The following MYH3 variants were observed in gnomAD, a reference collection of about 807,000 sequenced individuals.
MYH3 encodes myosin heavy chain 3, also known as myosin-3.
Under a neutral mutation model 238.0 loss-of-function variants are expected in MYH3, and 130 were observed. The ratio of observed to expected loss-of-function variants is 0.55; its 90% CI spans 0.47 to 0.63. The LOEUF is 0.63. MYH3 is among the 30% of genes least tolerant of loss of function. MYH3 has a pLI of 0.00. For missense variants in MYH3, 1,853 were observed against 2,374.9 expected (o/e 0.78, Z 4.57); for synonymous variants, 880 against 924.1 (o/e 0.95, Z 0.86).
chr17:10,660,856 G>A (rs2074475650), upstream of MYH3, among the ~76,000 whole-genome samples: 1 of 151,926 alleles, frequency 6.6e-6, no homozygotes, highest in African/African-American at 2.4e-5. Flanking sequence ...GTGGTGGTGG[G>A]TGCCTGTAAT....
chr17:10,630,642 G>A (rs1417390483), intron 36 of MYH3, among the ~76,000 whole-genome samples, 184 bp from the exon 37 acceptor site: 3 of 152,116 alleles, frequency 2.0e-5, no homozygotes, highest in Non-Finnish European at 4.4e-5. Context: ...CTGAGGTCAG[G>A]AGTTCAAGAC....
At chr17:10,653,448 C>A (rs2074398402) in intron 3 of MYH3, among the ~76,000 whole-genome samples, 1 of 152,184 alleles carries the variant, frequency 6.6e-6, no homozygotes, top group Non-Finnish European at 1.5e-5. Flanking sequence ...CCCCAGCATG[C>A]TCAGGAAAGG....
chr17:10,674,469 G>A, the MYH3 span: 1 of 263,954 alleles, frequency 3.8e-6, no homozygotes, highest in South Asian at 3.7e-5. Flanking sequence ...CTGTGATTGA[G>A]GAGAGCTGGA....
chr17:10,629,773 G>A lies in MYH3; in HGVS notation c.5659-39C>T, dbSNP rs1457922563. 2.5e-6 allele frequency: 4 copies of A among 1,614,128 alleles called. No homozygotes were observed. The South Asian group carries it at 3.3e-5, about 13-fold the overall frequency. On this transcript the variant is annotated intron_variant, in intron 39 of 40. Coordinates refer to ENST00000583535, the MANE Select transcript of MYH3 (RefSeq NM_002470.4). The stretch of plus-strand genomic sequence containing the variant: ...GCCCAGGCAGGTTATATCAGCACGC[G>A]CCTCTCTCAGAACTCACCACGGGAA...
chr17:10,657,874 C>T (rs2074449453), upstream of MYH3, among the ~76,000 whole-genome samples: 1 of 152,062 alleles, frequency 6.6e-6, no homozygotes, highest in Admixed American at 6.6e-5. Context: ...CCTCTTCTCC[C>T]TTCTCCTCCT....
chr17:10,632,591 C>T lies in MYH3; in HGVS notation c.4841G>A (p.Arg1614Gln), dbSNP rs750163741. 9 of 1,614,030 alleles carry T rather than the reference C, an allele frequency of 5.6e-6. No individual in the cohort carries two copies. Among genetic ancestry groups the T allele is most frequent in the African/African-American group, 1.3e-5 (1 of 74,924 alleles). Residue 1614 changes from arginine (R) to glutamine (Q), a missense_variant, in exon 34 of 41, where the codon CGG becomes CAG. Physicochemically the swap from Arg to Gln is conservative, Grantham distance 43. Transcript: ENST00000583535. Reference sequence around the variant, plus strand: ...GTCCCCCTCCATCTTCTTCTTGAGCCGGATGGCTTCATTCCTGCTCCGCAC... The same window carrying T: ...GTCCCCCTCCATCTTCTTCTTGAGCTGGATGGCTTCATTCCTGCTCCGCAC... ...AEVRSRNEAI[R>Q]LKKKMEGDLN...
Position 10,651,566 on chromosome 17 carries a change from C to G in MYH3, c.451G>C (p.Ala151Pro). The part of the protein sequence containing the change: ...EGYRGKKRQE[A>P]PPHIFSISDN... Reference sequence around the variant, plus strand: ...GAGATGGAGAAGATGTGGGGTGGGGCCTCCTGGCGCTTTTTGCCTCGGTAG... The same window carrying G: ...GAGATGGAGAAGATGTGGGGTGGGGGCTCCTGGCGCTTTTTGCCTCGGTAG... The change falls in exon 5 of 41, where the codon GCC (alanine) becomes CCC (proline). Residue 151 changes from alanine (A) to proline (P), a missense_variant. By Grantham distance (27) the Ala-to-Pro change is conservative. Coordinates refer to ENST00000583535, the MANE Select transcript of MYH3 (RefSeq NM_002470.4). 1 of 1,613,970 alleles carries G rather than the reference C, an allele frequency of 6.2e-7. No individual in the cohort carries two copies. Among genetic ancestry groups the G allele is most frequent in the South Asian group, 1.1e-5 (1 of 91,074 alleles).
intron 4 of MYH3, 41 bp downstream of exon 4, chr17:10,652,379 T>A: frequency 1.2e-6 from 2 of 1,610,038 alleles, no homozygotes; most frequent in Non-Finnish European, 1.7e-6. Context: ...TGCCCGCATA[T>A]CTAATGCCCC....
chr17:10,635,340 C>T (rs757491423), intron 30 of MYH3, 27 bp downstream of exon 30: 89 of 1,613,888 alleles, frequency 5.5e-5, no homozygotes, highest in Non-Finnish European at 7.1e-5. Flanking sequence ...CTAAGTAGTT[C>T]TTCTAAAAGC....
Position 10,634,053 on chromosome 17 carries a change from G to A in MYH3, c.4486C>T (p.Leu1496Phe). 1 of 1,614,210 alleles carries A rather than the reference G, an allele frequency of 6.2e-7. No homozygotes were observed. Among genetic ancestry groups the A allele is most frequent in the African/African-American group, 1.3e-5 (1 of 75,062 alleles). ...KNAYEEALDQ[L>F]ETVKRENKNL... is the part of the protein sequence containing the mutation. ...TTATTTTCCCGTTTCACAGTTTCAA[G>A]TTGATCTAAGGCTTCCTCGTAGGCA... Residue 1496 changes from leucine to phenylalanine, a missense_variant, in exon 32 of 41, where the codon CTT (leucine) becomes TTT (phenylalanine). By Grantham distance (22) the Leu-to-Phe change is conservative. Coordinates refer to ENST00000583535, the MANE Select transcript of MYH3 (RefSeq NM_002470.4).
the MYH3 span, among the ~76,000 whole-genome samples, chr17:10,670,378 T>C: frequency 1.3e-5 from 2 of 152,208 alleles, no homozygotes; most frequent in East Asian, 1.9e-4. This position sits in a 1 kb window ranked among gnomAD's most constrained non-coding sequence, Gnocchi z 7.0. Context: ...TTGACTGAAA[T>C]TGACCCAGAG....
At chr17:10,677,714 CT>C in the MYH3 span, 1 of 152,180 alleles carries the variant, frequency 6.6e-6, no homozygotes, top group Non-Finnish European at 1.5e-5. Context: ...GATTCTTATA[CT>C]TTTCAAATAA....
chr17:10,640,766 T>G, intron 19 of MYH3, 80 bp from the exon 20 acceptor site: 1 of 1,529,150 alleles, frequency 6.5e-7, no homozygotes, highest in Non-Finnish European at 8.9e-7. Flanking sequence ...AGGCCTCTCT[T>G]CCTATAGGCA....
At position 10,642,469 on chromosome 17, in the gene MYH3, C is replaced by T. The variant is rs78119755; in HGVS notation, c.1836G>A (p.Lys612=). Reference sequence around the variant, plus strand: ...GGTGTGCCAGGAGCCTGTTGGAAGACTTCTGGTACAGCCCAACCACAGTCT... The same window carrying T: ...GGTGTGCCAGGAGCCTGTTGGAAGATTTCTGGTACAGCCCAACCACAGTCT... ...LNETVVGLYQ[K]SSNRLLAHLY... Residue 612 remains lysine (K), a synonymous_variant, in exon 16 of 41, where the codon AAG becomes AAA. Transcript: ENST00000583535. The surrounding 1 kb of genome is among the most constrained non-coding windows in gnomAD (Gnocchi z 5.4). 1 of 1,614,202 alleles carries T rather than the reference C, an allele frequency of 6.2e-7. No individual in the cohort carries two copies. The highest frequency in any genetic ancestry group is 1.7e-5 in the Admixed American group (1 of 60,034).
intron 12 of MYH3, among the ~76,000 whole-genome samples, chr17:10,645,300 T>C (rs2074309671): frequency 6.6e-6 from 1 of 151,684 alleles, no homozygotes; most frequent in Non-Finnish European, 1.5e-5. Context: ...GGCGCGGTGG[T>C]GTGTGCCTGT....
At chr17:10,664,774 GGA>G in the MYH3 span, among the ~76,000 whole-genome samples, 1 of 152,154 alleles carries the variant, frequency 6.6e-6, no homozygotes, top group African/African-American at 2.4e-5. Context: ...CTTGTGGTAG[GGA>G]GCTCAGAGCA....
At chr17:10,676,147 A>C in the MYH3 span, 3 of 152,044 alleles carry the variant, frequency 2.0e-5, no homozygotes, top group East Asian at 5.8e-4. Flanking sequence ...GCTGGAGTGC[A>C]GTGGCGTGAT....
In MYH3 at chr17:10,642,095, TATC is replaced by T. The variant is rs1567557625; in HGVS notation, c.1959+142_1959+144del. 4.0e-6 allele frequency: 3 copies of T among 749,520 alleles called. No homozygotes were observed. In the Admixed American group the frequency reaches 6.8e-5, roughly 17 times the overall value. The allele number at this position is 749,520 out of a possible 1,614,324, so 46.4% of individuals were successfully genotyped here. On this transcript the variant is annotated intron_variant, in intron 17 of 40. Transcript: ENST00000583535. The surrounding 1 kb of genome is among the most constrained non-coding windows in gnomAD (Gnocchi z 5.4). ...TGGTTAGACCGTATTTATTATATTT[TATC>T]ATCTGTCACTTCACCTCAGTGACAG...
the MYH3 span, among the ~76,000 whole-genome samples, chr17:10,664,412 A>G: frequency 6.6e-6 from 1 of 152,196 alleles, no homozygotes; most frequent in Non-Finnish European, 1.5e-5. Context: ...GTTTGATGTC[A>G]GAGCCTTGCA....
Sources: allele counts gnomAD v4.1 joint callset (sites outside exome capture counted in the v4.1 genomes callset), GRCh38; gene constraint gnomAD v4.1.1; non-coding constraint Gnocchi (gnomAD v3.1); transcripts MANE v1.5; gene names NCBI Gene and HGNC (gene_info 2026-07-23, HGNC 2026-07-21).